The following PTPRD variants were observed in gnomAD, a reference collection of about 807,000 sequenced individuals.
PTPRD encodes the protein receptor-type tyrosine-protein phosphatase delta.
In PTPRD, 34 loss-of-function variants were observed where a neutral mutation model predicts 214.5. That is an observed-to-expected ratio of 0.16 (90% CI 0.12 to 0.21). PTPRD has a LOEUF of 0.21. Ranked by LOEUF, PTPRD falls within the 10% of genes least tolerant of loss-of-function variation. The probability of loss-of-function intolerance (pLI) is 1.00; values close to 1 mark genes in which losing one functional copy is unlikely to be tolerated. For missense variants in PTPRD, 2,545 were observed against 2,398.7 expected (o/e 1.06, Z -1.27); for synonymous variants, 1,128 against 845.7 (o/e 1.33, Z -5.79).
chr9:10,003,821 A>C (rs947686611), intron 4 of PTPRD, among the ~76,000 whole-genome samples: 1 of 151,838 alleles, frequency 6.6e-6, no homozygotes, highest in Non-Finnish European at 1.5e-5. Flanking sequence ...AATTTGAATT[A>C]AATTTCAAAT....
At chr9:9,201,721 T>G (rs2099941963) in intron 9 of PTPRD, among the ~76,000 whole-genome samples, 1 of 152,222 alleles carries the variant, frequency 6.6e-6, no homozygotes, top group African/African-American at 2.4e-5. Flanking sequence ...TTTTGTTGAT[T>G]GCAAAATCTA....
At chr9:10,500,190 CTT>C (rs2043236024) in intron 2 of PTPRD, among the ~76,000 whole-genome samples, 1 of 151,774 alleles carries the variant, frequency 6.6e-6, no homozygotes, top group African/African-American at 2.4e-5. Context: ...ACATTTGGTT[CTT>C]GCAAGCATTC....
intron 8 of PTPRD, among the ~76,000 whole-genome samples, chr9:9,573,459 T>C (rs2087230474): frequency 6.6e-6 from 1 of 151,422 alleles, no homozygotes; most frequent in African/African-American, 2.4e-5. Flanking sequence ...ATGGGTGTAA[T>C]TCATTTTGTA....
chr9:10,188,817 G>A (rs778864727), intron 3 of PTPRD, among the ~76,000 whole-genome samples: 1 of 152,086 alleles, frequency 6.6e-6, no homozygotes, highest in African/African-American at 2.4e-5. Context: ...AAGACACTAT[G>A]AGTACAACAA....
At chr9:10,360,965 G>A (rs191618381) in intron 2 of PTPRD, among the ~76,000 whole-genome samples, 16 of 152,188 alleles carry the variant, frequency 1.1e-4, no homozygotes, top group Admixed American at 2.0e-4. Context: ...AGCCGGGCGT[G>A]GTGCCGGGCG....
chr9:10,038,718 T>C (rs971129829), intron 3 of PTPRD, among the ~76,000 whole-genome samples: 1 of 152,130 alleles, frequency 6.6e-6, no homozygotes, highest in African/African-American at 2.4e-5. Context: ...ACAAATCAGA[T>C]AATTTGGACT....
At chr9:8,967,463 C>A (rs1269871177) in intron 11 of PTPRD, among the ~76,000 whole-genome samples, 3 of 152,014 alleles carry the variant, frequency 2.0e-5, no homozygotes, top group Non-Finnish European at 4.4e-5. Flanking sequence ...AAATGTGGTA[C>A]ATATATACCA....
At chr9:9,758,155 A>AAAAAAAAAAT (rs1279420583) in intron 6 of PTPRD, among the ~76,000 whole-genome samples, 2 of 148,014 alleles carry the variant, frequency 1.4e-5, no homozygotes, top group East Asian at 4.2e-4. Flanking sequence ...TGGCAAAAAA[A>AAAAAAAAAAT]AAAAAAAATT....
At position 9,359,959 on chromosome 9, in the gene PTPRD, A is replaced by C. The variant is rs562541020; in HGVS notation, c.-203+37490T>G. 5.9e-5 allele frequency among the ~76,000 whole-genome samples: 9 copies of C among 151,372 alleles called. No homozygotes were observed. The South Asian group carries it at 1.7e-3, about 28-fold the overall frequency. ...ACACAACATAATTATAACTTAAGAA[A>C]ACATTTTTATATGTTTTTTGCAGAT... On this transcript the variant is annotated intron_variant, in intron 9 of 45. Transcript: ENST00000381196.
intron 14 of PTPRD, among the ~76,000 whole-genome samples, chr9:8,536,348 G>GA (rs1242931465): frequency 6.6e-6 from 1 of 151,640 alleles, no homozygotes; most frequent in East Asian, 1.9e-4. Context: ...AGTTCCATGA[G>GA]ATGTAATAAT....
At chr9:9,329,362 G>A (rs2041436151) in intron 9 of PTPRD, among the ~76,000 whole-genome samples, 1 of 152,106 alleles carries the variant, frequency 6.6e-6, no homozygotes, top group African/African-American at 2.4e-5. Context: ...TCATAACTAA[G>A]AGATGAGTTT....
At chr9:9,734,597 G>C (rs1214756464) in intron 6 of PTPRD, 26 bp from the exon 7 acceptor site, 1 of 151,962 alleles carries the variant, frequency 6.6e-6, no homozygotes, top group Non-Finnish European at 1.5e-5. Flanking sequence ...ACAGAGGAAA[G>C]ACAGAAAATA....
intron 11 of PTPRD, chr9:8,797,074 G>A (rs1274902982): frequency 6.6e-6 from 1 of 151,818 alleles, no homozygotes; most frequent in Non-Finnish European, 1.5e-5. Context: ...AACATGATAC[G>A]CCTTACTATT....
intron 7 of PTPRD, among the ~76,000 whole-genome samples, chr9:9,685,733 C>A (rs1039113135): frequency 6.0e-5 from 9 of 150,914 alleles, no homozygotes; most frequent in African/African-American, 2.2e-4. Flanking sequence ...GAAAAGTAAA[C>A]CAGAATATTT....
Position 10,612,947 on chromosome 9 carries a change from G to T in PTPRD, c.-967C>A, listed in dbSNP as rs944067399. 2.4e-4 allele frequency among the ~76,000 whole-genome samples: 36 copies of T among 151,422 alleles called. 1 individual carries two copies. The highest frequency in any genetic ancestry group is 2.4e-4 in the Non-Finnish European group (16 of 67,764). On this transcript the variant is annotated 5_prime_UTR_variant, in exon 1 of 46. Coordinates refer to ENST00000381196, the MANE Select transcript of PTPRD (RefSeq NM_002839.4). ...GGCTGGGCGGGGAGCCGAGGCGGCC[G>T]CTCCCGCACTCGCTCGCTCGCTCGC...
chr9:8,746,195 T>C (rs910174528), intron 11 of PTPRD, among the ~76,000 whole-genome samples: 3 of 152,174 alleles, frequency 2.0e-5, no homozygotes, highest in South Asian at 2.1e-4. Flanking sequence ...CACAGAGTTA[T>C]ACAGTCTGGT....
At chr9:8,997,779 C>G (rs1367955458) in intron 11 of PTPRD, among the ~76,000 whole-genome samples, 1 of 151,982 alleles carries the variant, frequency 6.6e-6, no homozygotes, top group Non-Finnish European at 1.5e-5. Flanking sequence ...TGCCAAAAAG[C>G]TAGTCAAACT....
At chr9:9,713,033 T>C (rs550234961) in intron 7 of PTPRD, among the ~76,000 whole-genome samples, 55 of 152,308 alleles carry the variant, frequency 3.6e-4, no homozygotes, top group Non-Finnish European at 6.9e-4. Flanking sequence ...CTAATATTCA[T>C]CACTCATCAA....
At chr9:9,490,900 GA>G (rs35143362) in intron 8 of PTPRD, among the ~76,000 whole-genome samples, 76,068 of 151,248 alleles carry the variant, frequency 0.5, 20,281 homozygotes, top group African/African-American at 0.67. Context: ...ATAAATGAAC[GA>G]ATTGTTTGTT....
Sources: allele counts gnomAD v4.1 joint callset (sites outside exome capture counted in the v4.1 genomes callset), GRCh38; gene constraint gnomAD v4.1.1; transcripts MANE v1.5; gene names NCBI Gene and HGNC (gene_info 2026-07-23, HGNC 2026-07-21).